The following BBS9 variants were observed in gnomAD, a reference collection of about 807,000 sequenced individuals.
BBS9 encodes the protein Bardet-Biedl syndrome 9.
BBS9 carries 89 observed loss-of-function variants against 117.7 expected under a neutral mutation model. The observed-to-expected ratio is 0.76, with a 90% confidence interval of 0.64 to 0.90. The LOEUF (loss-of-function observed/expected upper bound fraction) is 0.90. Among genes scored for constraint, BBS9 ranks in the 40% least tolerant of loss-of-function variants. The pLI is 0.00. For synonymous variants in BBS9, 379 were observed against 370.9 expected (o/e 1.02, Z -0.25); for missense variants, 982 against 1,042.2 (o/e 0.94, Z 0.80).
At chr7:33,148,956 T>C (rs527408624) in intron 2 of BBS9, among the ~76,000 whole-genome samples, 17 of 152,294 alleles carry the variant, frequency 1.1e-4, no homozygotes, top group South Asian at 1.0e-3. Flanking sequence ...CAGCAAGTGG[T>C]TCATTAGTGT....
chr7:33,543,723 T>G (rs1266696348), intron 21 of BBS9, among the ~76,000 whole-genome samples: 1 of 152,356 alleles, frequency 6.6e-6, no homozygotes. Flanking sequence ...TTCTTTGAAC[T>G]TCTTGTATTT....
chr7:33,135,176 G>A (rs1415030408), intron 1 of BBS9, among the ~76,000 whole-genome samples: 1 of 152,194 alleles, frequency 6.6e-6, no homozygotes, highest in Non-Finnish European at 1.5e-5. Context: ...ACAGGCATTA[G>A]CCACCATGCC....
At chr7:33,598,942 A>G (rs1563428360) in intron 21 of BBS9, among the ~76,000 whole-genome samples, 2 of 152,210 alleles carry the variant, frequency 1.3e-5, no homozygotes, top group South Asian at 2.1e-4. Flanking sequence ...GTTTTAGTAA[A>G]TAAAGTTTTA....
chr7:33,518,552 A>G (rs542528728), intron 20 of BBS9, among the ~76,000 whole-genome samples: 3 of 152,144 alleles, frequency 2.0e-5, no homozygotes, highest in African/African-American at 7.2e-5. Context: ...CCCGGCCTAT[A>G]TTCTTATATT....
At chr7:33,351,367 T>C (rs200032502) in intron 14 of BBS9, 44 bp downstream of exon 14, 27 of 1,283,084 alleles carry the variant, frequency 2.1e-5, no homozygotes, top group African/African-American at 2.9e-5. Flanking sequence ...GTTGGAGTTA[T>C]GAGTAAAATG....
intron 19 of BBS9, among the ~76,000 whole-genome samples, chr7:33,424,085 T>C (rs1833273406): frequency 6.6e-6 from 1 of 152,206 alleles, no homozygotes; most frequent in Admixed American, 6.5e-5. Context: ...ACTTTGCTTT[T>C]CTCATCACCT....
rs78691793 is a variant in BBS9, at chr7:33,225,558, C to T, written c.443-31678C>T. ...AATCTTTAGCCAAGGGAGCTTTTCC[C>T]AGTTGGTTCATCAACCCTTTTGACA... On this transcript the variant is annotated intron_variant, in intron 5 of 22. Transcript: ENST00000242067. 7.9e-5 allele frequency among the ~76,000 whole-genome samples: 12 copies of T among 152,256 alleles called. No homozygotes were observed. In the East Asian group the frequency reaches 2.3e-3, roughly 29 times the overall value.
chr7:33,259,715 C>CCACT (rs1349002034), intron 6 of BBS9, among the ~76,000 whole-genome samples: 1 of 152,040 alleles, frequency 6.6e-6, no homozygotes, highest in African/African-American at 2.4e-5. Flanking sequence ...GGCTTTGGTA[C>CCACT]CACTGTTCTC....
intron 20 of BBS9, among the ~76,000 whole-genome samples, chr7:33,509,916 TC>T (rs1386601369): frequency 6.6e-6 from 1 of 152,234 alleles, no homozygotes; most frequent in Non-Finnish European, 1.5e-5. Flanking sequence ...GTGATCTGTC[TC>T]TTTAATGATG....
At chr7:33,151,889 G>A (rs1397662583) in intron 2 of BBS9, among the ~76,000 whole-genome samples, 1 of 81,000 alleles carries the variant, frequency 1.2e-5, no homozygotes, top group Non-Finnish European at 2.3e-5. Flanking sequence ...ACAAGGTCTT[G>A]TTCTTTCGCC....
chr7:33,466,869 G>T (rs562904505), intron 19 of BBS9, among the ~76,000 whole-genome samples: 1 of 152,248 alleles, frequency 6.6e-6, no homozygotes, highest in South Asian at 2.1e-4. Flanking sequence ...TAGAGGCTCT[G>T]CCTCAGTGTG....
At chr7:33,614,325 A>G (rs1246184949) in intron 21 of BBS9, among the ~76,000 whole-genome samples, 2 of 152,118 alleles carry the variant, frequency 1.3e-5, no homozygotes, top group Non-Finnish European at 2.9e-5. Flanking sequence ...GGTGAATCCT[A>G]CTGACATTTG....
At chr7:33,459,912 C>T (rs1028695100) in intron 19 of BBS9, among the ~76,000 whole-genome samples, 6 of 152,070 alleles carry the variant, frequency 3.9e-5, no homozygotes, top group Non-Finnish European at 7.4e-5. Context: ...ATGGAACATT[C>T]TAATTACCCA....
intron 5 of BBS9, among the ~76,000 whole-genome samples, chr7:33,209,774 T>A (rs917263864): frequency 1.3e-5 from 2 of 152,124 alleles, no homozygotes; most frequent in African/African-American, 4.8e-5. Flanking sequence ...TTTATTTAGG[T>A]CTTTTCTCTT....
At chr7:33,415,256 AG>A (rs1831796774) in intron 19 of BBS9, among the ~76,000 whole-genome samples, 1 of 152,208 alleles carries the variant, frequency 6.6e-6, no homozygotes, top group Non-Finnish European at 1.5e-5. Context: ...ACTGTGGGTA[AG>A]ACCCCAAGTT....
intron 5 of BBS9, among the ~76,000 whole-genome samples, chr7:33,210,739 A>C (rs183429625): frequency 4.6e-5 from 7 of 152,164 alleles, no homozygotes; most frequent in Admixed American, 4.6e-4. Context: ...TGGTTTCACC[A>C]TGTTGATCAG....
intron 19 of BBS9, among the ~76,000 whole-genome samples, chr7:33,418,264 G>A (rs962398405): frequency 6.6e-6 from 1 of 152,146 alleles, no homozygotes; most frequent in African/African-American, 2.4e-5. Context: ...TGATACTTCC[G>A]TTGAGATTTG....
intron 17 of BBS9, among the ~76,000 whole-genome samples, chr7:33,375,986 T>G (rs1018220247): frequency 1.3e-5 from 2 of 152,178 alleles, no homozygotes; most frequent in Non-Finnish European, 2.9e-5. Flanking sequence ...AATTTAAAGT[T>G]ACTGAAAATA....
intron 4 of BBS9, among the ~76,000 whole-genome samples, chr7:33,156,708 C>CA (rs1228895457): frequency 6.6e-6 from 1 of 152,156 alleles, no homozygotes; most frequent in Non-Finnish European, 1.5e-5. Context: ...AGTGCTGAGG[C>CA]AATTGACAGT....
Sources: allele counts gnomAD v4.1 joint callset (sites outside exome capture counted in the v4.1 genomes callset), GRCh38; gene constraint gnomAD v4.1.1; transcripts MANE v1.5; gene names NCBI Gene and HGNC (gene_info 2026-07-23, HGNC 2026-07-21).